FAT4: variants seen among roughly 807,000 people sequenced by gnomAD.
FAT4 encodes the protein FAT atypical cadherin 4, also known as protocadherin Fat 4.
A neutral mutation model predicts 303.9 loss-of-function variants in FAT4; 84 were observed. That is an observed-to-expected ratio of 0.28 (90% CI 0.23 to 0.33). The LOEUF (loss-of-function observed/expected upper bound fraction) is 0.33, where lower values mean the gene tolerates loss of function less well. Among genes scored for constraint, FAT4 ranks in the 10% least tolerant of loss-of-function variants. The pLI, the probability that FAT4 is intolerant of heterozygous loss-of-function variation, is 1.00. For synonymous variants in FAT4, 2,307 were observed against 2,298.8 expected (o/e 1.00, Z -0.10); for missense variants, 6,005 against 6,146.8 (o/e 0.98, Z 0.77).
intron 2 of FAT4, among the ~76,000 whole-genome samples, chr4:125,358,253 G>C (rs886299750): frequency 6.6e-6 from 1 of 151,982 alleles, no homozygotes; most frequent in African/African-American, 2.4e-5. Flanking sequence ...AACCTTTTTG[G>C]CACCAGGGAC....
chr4:125,373,712 A>G (rs1733209428), intron 2 of FAT4, among the ~76,000 whole-genome samples: 1 of 152,152 alleles, frequency 6.6e-6, no homozygotes, highest in African/African-American at 2.4e-5. Flanking sequence ...TTTCTTATCT[A>G]GAGATTACTT....
At chr4:125,346,207 G>T (rs1196972325) in intron 2 of FAT4, among the ~76,000 whole-genome samples, 1 of 151,980 alleles carries the variant, frequency 6.6e-6, no homozygotes, top group Non-Finnish European at 1.5e-5. Flanking sequence ...TGCAAATCTT[G>T]GAAAGCTGTG....
In FAT4 at chr4:125,407,079, A is replaced by G; in HGVS notation, c.5507A>G (p.Asp1836Gly). 3 of 1,613,702 alleles carry G rather than the reference A, an allele frequency of 1.9e-6. No homozygotes were observed. Among genetic ancestry groups the G allele is most frequent in the Non-Finnish European group, 2.5e-6 (3 of 1,179,740 alleles). Reference sequence around the variant, plus strand: ...AATATCACTGTCAGTGATGTGAATGACCATACACCCAAATTTTCCAGACCC... The same window carrying G: ...AATATCACTGTCAGTGATGTGAATGGCCATACACCCAAATTTTCCAGACCC... ...RINITVSDVNDHTPKFSRPVY... is the reference protein window; with the variant it reads ...RINITVSDVNGHTPKFSRPVY... The change falls in exon 4 of 18, where the codon GAC becomes GGC. Residue 1836 changes from aspartate (D) to glycine (G), a missense_variant. Coordinates refer to ENST00000394329, the MANE Select transcript of FAT4 (RefSeq NM_001291303.3).
chr4:125,386,786 G>C (rs149015551), intron 2 of FAT4, among the ~76,000 whole-genome samples: 1 of 152,172 alleles, frequency 6.6e-6, no homozygotes, highest in East Asian at 1.9e-4. Context: ...ACTCTAGAAA[G>C]AGACTTTAAT....
chr4:125,357,257 T>G (rs2125982484), intron 2 of FAT4, among the ~76,000 whole-genome samples: 1 of 152,254 alleles, frequency 6.6e-6, no homozygotes, highest in South Asian at 2.1e-4. Context: ...AATACATTTT[T>G]ACTGAATAAA....
At chr4:125,347,913 T>C (rs1003747460) in intron 2 of FAT4, among the ~76,000 whole-genome samples, 2 of 151,796 alleles carry the variant, frequency 1.3e-5, no homozygotes, top group Admixed American at 1.3e-4. Context: ...GTTAGCAGTT[T>C]ATCATAATAA....
At position 125,318,425 on chromosome 4, in the gene FAT4, A is replaced by G. The variant is rs772308456; in HGVS notation, c.2014A>G (p.Met672Val). ...TDLGSPPQSS[M>V]ARINVSLLDI... ...TCTGGGCTCCCCTCCCCAGTCATCA[A>G]TGGCTCGCATAAATGTGAGTCTTCT... Residue 672 changes from methionine (M) to valine (V), a missense_variant, in exon 2 of 18, where the codon ATG becomes GTG. Transcript: ENST00000394329. 14 of 1,614,034 alleles carry G rather than the reference A, an allele frequency of 8.7e-6. No homozygotes were observed. The highest frequency in any genetic ancestry group is 3.3e-5 in the Admixed American group (2 of 60,000).
Position 125,418,125 on chromosome 4 carries a change from A to G in FAT4, c.7018+1503A>G, listed in dbSNP as rs1014239036. Reference sequence around the variant, plus strand: ...GTCAAACTTGTAGATGACATGAGAAATTTCGGAAAAATATGGCAGCTATTA... The same window carrying G: ...GTCAAACTTGTAGATGACATGAGAAGTTTCGGAAAAATATGGCAGCTATTA... On this transcript the variant is annotated intron_variant, in intron 7 of 17. Transcript: ENST00000394329. Among the ~76,000 whole-genome samples, 8 of 152,300 alleles carry G rather than the reference A, an allele frequency of 5.3e-5. No homozygotes were observed. The South Asian group carries it at 1.7e-3, about 32-fold the overall frequency.
In FAT4 at chr4:125,491,232, A is replaced by C; in HGVS notation, c.14416A>C (p.Ser4806Arg). 1 of 1,614,088 alleles carries C rather than the reference A, an allele frequency of 6.2e-7. No individual in the cohort carries two copies. The highest frequency in any genetic ancestry group is 8.5e-7 in the Non-Finnish European group (1 of 1,180,002). The change falls in exon 18 of 18, where the codon AGT (serine) becomes CGT (arginine). Residue 4806 changes from serine (S) to arginine (R), a missense_variant. By Grantham distance (110) the Ser-to-Arg change is moderately radical (BLOSUM62 -1). Coordinates refer to ENST00000394329, the MANE Select transcript of FAT4 (RefSeq NM_001291303.3). ...RLNTPRPRNP[S>R]ICSADHGRSS... The stretch of plus-strand genomic sequence containing the variant: ...CAACACACCTCGCCCTAGAAACCCA[A>C]GTATCTGCAGTGCAGACCATGGGAG...
intron 7 of FAT4, among the ~76,000 whole-genome samples, chr4:125,425,587 T>C (rs1725059250): frequency 6.6e-6 from 1 of 152,080 alleles, no homozygotes; most frequent in African/African-American, 2.4e-5. Context: ...AAAATATGTA[T>C]CCAAGGGTTT....
intron 3 of FAT4, among the ~76,000 whole-genome samples, chr4:125,400,719 A>AG (rs1734356794): frequency 6.6e-6 from 1 of 151,626 alleles, no homozygotes; most frequent in East Asian, 1.9e-4. Context: ...TTAAGTTTAA[A>AG]AAAAAATGTA....
At position 125,353,613 on chromosome 4, in the gene FAT4, G is replaced by C. The variant is rs189310796; in HGVS notation, c.5175+32027G>C. ...AAAACAGTGCTGTAGCAGAGCTCAC[G>C]GTTACATTGATAAACTATACATACA... On this transcript the variant is annotated intron_variant, in intron 2 of 17. Transcript: ENST00000394329. 2.0e-5 allele frequency among the ~76,000 whole-genome samples: 3 copies of C among 151,524 alleles called. No individual in the cohort carries two copies. In the Admixed American group the frequency reaches 2.0e-4, roughly 10 times the overall value.
chr4:125,410,346 C>G (rs1734794424), intron 5 of FAT4, among the ~76,000 whole-genome samples: 1 of 151,998 alleles, frequency 6.6e-6, no homozygotes, highest in Non-Finnish European at 1.5e-5. Flanking sequence ...TTGCATGTAC[C>G]CAGTCCTGGC....
intron 2 of FAT4, among the ~76,000 whole-genome samples, chr4:125,394,869 C>T (rs1560796158): frequency 6.6e-6 from 1 of 152,160 alleles, no homozygotes; most frequent in Non-Finnish European, 1.5e-5. Context: ...ATGACTGCTT[C>T]TGTTTGTAAA....
At position 125,436,066 on chromosome 4, in the gene FAT4, A is replaced by G. The variant is rs564328526; in HGVS notation, c.7199+1641A>G. On this transcript the variant is annotated intron_variant, in intron 8 of 17. Coordinates refer to ENST00000394329, the MANE Select transcript of FAT4 (RefSeq NM_001291303.3). The stretch of plus-strand genomic sequence containing the variant: ...GGGGTCGGGGGAGGGGGGGAGGGAT[A>G]GCATTAGGAGATATACCTAATGTAA... Among the ~76,000 whole-genome samples the G allele has an allele frequency of 9.2e-5, 14 of 151,398 alleles. No homozygotes were observed. The East Asian group carries it at 2.8e-3, about 30-fold the overall frequency.
chr4:125,387,072 G>A (rs1733779553), intron 2 of FAT4, among the ~76,000 whole-genome samples: 1 of 152,158 alleles, frequency 6.6e-6, no homozygotes, highest in African/African-American at 2.4e-5. Flanking sequence ...CTGACAGGAG[G>A]CAGAGCTCAG....
intron 10 of FAT4, among the ~76,000 whole-genome samples, chr4:125,456,438 T>C (rs1183027591): frequency 6.6e-6 from 1 of 152,156 alleles, no homozygotes; most frequent in Non-Finnish European, 1.5e-5. Context: ...AAACATAAAA[T>C]TGAATGATTA....
At position 125,408,620 on chromosome 4, in the gene FAT4, G is replaced by C; in HGVS notation, c.5746G>C (p.Val1916Leu). The change falls in exon 5 of 18, where the codon GTT becomes CTT. Residue 1916 changes from valine to leucine, a missense_variant. By Grantham distance (32) the Val-to-Leu change is conservative (BLOSUM62 1). Transcript: ENST00000394329. The part of the protein sequence containing the change: ...YEVQQYYILT[V>L]RAEDGGGQFT... ...AGTACAGCAATATTATATCCTCACTGTTCGAGCAGAAGATGGTGGGGGACA... is the reference window on the plus strand; with the variant it reads ...AGTACAGCAATATTATATCCTCACTCTTCGAGCAGAAGATGGTGGGGGACA... The C allele has an allele frequency of 6.2e-7, 1 of 1,612,676 alleles. No homozygotes were observed. Among genetic ancestry groups the C allele is most frequent in the South Asian group, 1.1e-5 (1 of 91,026 alleles).
At chr4:125,437,551 A>C (rs1046453175) in intron 8 of FAT4, among the ~76,000 whole-genome samples, 3 of 152,216 alleles carry the variant, frequency 2.0e-5, no homozygotes, top group Non-Finnish European at 4.4e-5. Context: ...GAGGACTGAG[A>C]AATTTCTGTC....
Sources: gnomAD v4.1 joint callset for allele counts (sites outside exome capture counted in the v4.1 genomes callset) on GRCh38, gnomAD v4.1.1 for gene constraint, MANE v1.5 for transcripts, NCBI Gene and HGNC (gene_info 2026-07-23, HGNC 2026-07-21) for gene names.